The following GALNTL6 variants were observed in gnomAD, a reference collection of about 807,000 sequenced individuals.
GALNTL6 encodes the protein polypeptide N-acetylgalactosaminyltransferase-like 6.
In GALNTL6, 46 loss-of-function variants were observed where a neutral mutation model predicts 73.7. That is an observed-to-expected ratio of 0.62 (90% CI 0.49 to 0.80). The LOEUF is 0.80. Among genes scored for constraint, GALNTL6 ranks in the 30% least tolerant of loss-of-function variants. GALNTL6 has a pLI of 0.00. For missense variants in GALNTL6, 604 were observed against 755.0 expected (o/e 0.80, Z 2.34); for synonymous variants, 259 against 263.7 (o/e 0.98, Z 0.17).
intron 5 of GALNTL6, among the ~76,000 whole-genome samples, chr4:172,568,344 G>A (rs1423722361): frequency 6.6e-6 from 1 of 152,116 alleles, no homozygotes; most frequent in Non-Finnish European, 1.5e-5. Flanking sequence ...TCTCTCCCAG[G>A]CTGTTATCCT....
chr4:172,869,187 T>C (rs918629436), intron 7 of GALNTL6, among the ~76,000 whole-genome samples: 6 of 152,228 alleles, frequency 3.9e-5, no homozygotes, highest in African/African-American at 1.4e-4. Flanking sequence ...AGAAGAATTC[T>C]ACTGCAAATA....
intron 2 of GALNTL6, among the ~76,000 whole-genome samples, chr4:171,865,402 G>A (rs765776080): frequency 5.9e-5 from 9 of 152,000 alleles, no homozygotes; most frequent in Non-Finnish European, 1.3e-4. Flanking sequence ...CGATTGTAGA[G>A]GAACTAATAG....
chr4:171,903,105 T>G (rs1737150783), intron 2 of GALNTL6, among the ~76,000 whole-genome samples: 1 of 152,132 alleles, frequency 6.6e-6, no homozygotes, highest in South Asian at 2.1e-4. Context: ...AAGAGATTGA[T>G]ATCCCTTTGA....
At chr4:171,886,424 T>A (rs1736609661) in intron 2 of GALNTL6, among the ~76,000 whole-genome samples, 2 of 152,220 alleles carry the variant, frequency 1.3e-5, no homozygotes, top group Admixed American at 1.3e-4. Context: ...AGAAGATGTA[T>A]AATTTTCTCA....
At chr4:172,631,187 G>A (rs562673474) in intron 5 of GALNTL6, among the ~76,000 whole-genome samples, 137 of 151,998 alleles carry the variant, frequency 9.0e-4, no homozygotes, top group African/African-American at 3.0e-3. Context: ...TGTTGCCCAG[G>A]CTGGAGTGCA....
At chr4:172,855,430 G>A (rs72708712) in intron 7 of GALNTL6, among the ~76,000 whole-genome samples, 14,475 of 152,224 alleles carry the variant, frequency 0.095, 861 homozygotes, top group Non-Finnish European at 0.14. Context: ...AAAGAAAGAA[G>A]TAAATAATAA....
intron 5 of GALNTL6, among the ~76,000 whole-genome samples, chr4:172,688,096 A>G (rs1419278305): frequency 6.6e-6 from 1 of 152,220 alleles, no homozygotes; most frequent in Admixed American, 6.5e-5. Flanking sequence ...TACTTACAAA[A>G]TTACACAATT....
At chr4:172,908,609 A>AGTGTGTGTGTGTGT (rs200044918) in intron 8 of GALNTL6, among the ~76,000 whole-genome samples, 1 of 145,870 alleles carries the variant, frequency 6.9e-6, no homozygotes, top group Admixed American at 6.9e-5. Flanking sequence ...CATGAGCGTG[A>AGTGTGTGTGTGTGT]GTGTGTGTGT....
At chr4:172,316,266 T>G (rs1332473635) in intron 4 of GALNTL6, among the ~76,000 whole-genome samples, 1 of 152,184 alleles carries the variant, frequency 6.6e-6, no homozygotes, top group African/African-American at 2.4e-5. Context: ...AATGCATCTT[T>G]GATATGAGTT....
At chr4:172,030,211 A>G (rs1383378416) in intron 2 of GALNTL6, among the ~76,000 whole-genome samples, 3 of 152,148 alleles carry the variant, frequency 2.0e-5, no homozygotes, top group Non-Finnish European at 4.4e-5. Flanking sequence ...ATATTTAGGT[A>G]AATTTTATAA....
intron 5 of GALNTL6, among the ~76,000 whole-genome samples, chr4:172,434,810 G>A (rs778461093): frequency 6.6e-6 from 1 of 151,984 alleles, no homozygotes; most frequent in Admixed American, 6.6e-5. Context: ...TTACTACATT[G>A]CATTGCACTG....
At chr4:172,155,110 G>C (rs1429853301) in intron 2 of GALNTL6, among the ~76,000 whole-genome samples, 2 of 150,194 alleles carry the variant, frequency 1.3e-5, no homozygotes, top group Admixed American at 6.6e-5. Context: ...CGATTCTGCT[G>C]TCTCAGGCTC....
At chr4:172,542,518 T>C (rs1305223262) in intron 5 of GALNTL6, among the ~76,000 whole-genome samples, 1 of 152,152 alleles carries the variant, frequency 6.6e-6, no homozygotes, top group African/African-American at 2.4e-5. Context: ...TCTTAACTCT[T>C]GTATCATCAG....
chr4:171,859,637 G>A (rs1205216913), intron 2 of GALNTL6, among the ~76,000 whole-genome samples: 2 of 152,188 alleles, frequency 1.3e-5, no homozygotes, highest in Admixed American at 1.3e-4. Flanking sequence ...AAGCTTCTAG[G>A]CAGAGATAGT....
At chr4:172,172,359 G>A (rs759358122) in intron 2 of GALNTL6, among the ~76,000 whole-genome samples, 3 of 151,914 alleles carry the variant, frequency 2.0e-5, no homozygotes, top group African/African-American at 7.3e-5. Context: ...CACCATGCCC[G>A]GCTAATTTTG....
At chr4:171,988,072 G>A (rs11724018) in intron 2 of GALNTL6, among the ~76,000 whole-genome samples, 132,687 of 152,090 alleles carry the variant, frequency 0.87, 58,806 homozygotes, top group East Asian at 1. Context: ...AGCATAGTTC[G>A]TGATTTTTAG....
intron 2 of GALNTL6, among the ~76,000 whole-genome samples, chr4:171,865,146 C>CAA (rs767713398): frequency 1.3e-4 from 17 of 134,472 alleles, no homozygotes; most frequent in African/African-American, 4.4e-4. Context: ...AACTCTGTCT[C>CAA]AAAAAAAAAA....
intron 5 of GALNTL6, among the ~76,000 whole-genome samples, chr4:172,482,189 C>T (rs1369020724): frequency 6.6e-6 from 1 of 152,226 alleles, no homozygotes; most frequent in African/African-American, 2.4e-5. Flanking sequence ...CGAGCCCACA[C>T]CCACCCGGAA....
chr4:172,135,289 G>C (rs1733606801), intron 2 of GALNTL6, among the ~76,000 whole-genome samples: 1 of 151,966 alleles, frequency 6.6e-6, no homozygotes, highest in Non-Finnish European at 1.5e-5. Flanking sequence ...TAATTCTGCA[G>C]AACACTGAAG....
Sources: gnomAD v4.1 joint callset for allele counts (sites outside exome capture counted in the v4.1 genomes callset) on GRCh38, gnomAD v4.1.1 for gene constraint, MANE v1.5 for transcripts, NCBI Gene and HGNC (gene_info 2026-07-23, HGNC 2026-07-21) for gene names.